Variants in TJP1 observed in about 807,000 individuals in gnomAD.
TJP1 encodes the protein tight junction protein 1.
Under a neutral mutation model 194.2 loss-of-function variants are expected in TJP1, and 43 were observed. That is an observed-to-expected ratio of 0.22 (90% CI 0.17 to 0.29). The LOEUF is 0.29. TJP1 is among the 10% of genes least tolerant of loss of function. The probability of loss-of-function intolerance (pLI) is 1.00; values close to 1 mark genes in which losing one functional copy is unlikely to be tolerated. For missense variants in TJP1, 1,971 were observed against 2,185.7 expected, an observed-to-expected ratio of 0.90 and a Z score of 1.96; for synonymous variants, 801 against 779.0, an observed-to-expected ratio of 1.03 and a Z score of -0.47.
intron 6 of TJP1, 39 bp from the exon 7 acceptor site, chr15:29,761,808 TA>T: frequency 1.4e-6 from 2 of 1,474,394 alleles, no homozygotes; most frequent in Non-Finnish European, 1.8e-6. Context: ...AAGTAAATAA[TA>T]AAATACAAAT....
intron 2 of TJP1, among the ~76,000 whole-genome samples, chr15:29,902,364 A>T (rs970993865): frequency 3.3e-5 from 5 of 152,170 alleles, no homozygotes; most frequent in Admixed American, 1.3e-4. Context: ...TAGATAGAGG[A>T]AGAAATCATT....
chr15:29,840,955 G>C (rs1224477260), intron 2 of TJP1, among the ~76,000 whole-genome samples: 5 of 152,276 alleles, frequency 3.3e-5, no homozygotes, highest in Non-Finnish European at 2.9e-5. Flanking sequence ...TAGCACTGTA[G>C]ATGTGTGGCT....
intron 8 of TJP1, among the ~76,000 whole-genome samples, chr15:29,752,255 A>C (rs1017678589): frequency 2.6e-5 from 4 of 152,114 alleles, no homozygotes; most frequent in African/African-American, 9.7e-5. Context: ...GGCACACGCC[A>C]CCACGCCTAG....
intron 2 of TJP1, among the ~76,000 whole-genome samples, chr15:29,785,470 AC>A (rs1457242617): frequency 2.6e-5 from 4 of 152,080 alleles, no homozygotes; most frequent in Admixed American, 2.6e-4. Context: ...CTGCCCACCC[AC>A]TGGTTAAAGT....
At chr15:29,883,092 C>T (rs992281281) in intron 2 of TJP1, among the ~76,000 whole-genome samples, 3 of 152,198 alleles carry the variant, frequency 2.0e-5, no homozygotes, top group Non-Finnish European at 2.9e-5. Flanking sequence ...ACAGAAGAAC[C>T]TTTAATAATC....
At chr15:29,764,326 G>T (rs1424877752) in intron 5 of TJP1, among the ~76,000 whole-genome samples, 1 of 152,224 alleles carries the variant, frequency 6.6e-6, no homozygotes, top group East Asian at 1.9e-4. Flanking sequence ...GTGAGTGACG[G>T]CTGAAAAGTT....
intron 4 of TJP1, among the ~76,000 whole-genome samples, chr15:29,770,564 A>T (rs2046599495): frequency 6.6e-6 from 1 of 151,240 alleles, no homozygotes. Flanking sequence ...AAATACAAAA[A>T]AATTAGCTCT....
intron 2 of TJP1, among the ~76,000 whole-genome samples, chr15:29,910,222 C>A (rs2053970731): frequency 6.6e-6 from 1 of 152,200 alleles, no homozygotes; most frequent in Non-Finnish European, 1.5e-5. Flanking sequence ...AGAAATGTTA[C>A]AGAAACCTGA....
chr15:29,880,667 GATATCTCAAATAAATGGAGTTATGCA>G (rs1451831868), intron 2 of TJP1, among the ~76,000 whole-genome samples: 3 of 152,134 alleles, frequency 2.0e-5, no homozygotes, highest in African/African-American at 7.2e-5. Context: ...TATATTTATA[GATATCTCAAATAAATGGAGTTATGCA>G]ATATTTGTCC....
intron 2 of TJP1, among the ~76,000 whole-genome samples, chr15:29,908,487 C>A (rs1412569629): frequency 6.6e-6 from 1 of 152,186 alleles, no homozygotes; most frequent in Non-Finnish European, 1.5e-5. Flanking sequence ...ATTGTACCTC[C>A]CTTGACACTA....
chr15:29,726,499 G>A lies in TJP1; in HGVS notation c.2312-20C>T, dbSNP rs1303927349. The A allele has an allele frequency of 3.1e-6, 5 of 1,608,422 alleles. No individual in the cohort carries two copies. In the African/African-American group the frequency reaches 6.7e-5, roughly 21 times the overall value. ...TTGTAGCTGAAAATAAATTAACGATGTAGTTTTATGGTTAGAGCACTGCCA... is the reference window on the plus strand; with the variant it reads ...TTGTAGCTGAAAATAAATTAACGATATAGTTTTATGGTTAGAGCACTGCCA... On this transcript the variant is annotated intron_variant, in intron 17 of 27. Transcript: ENST00000614355.
intron 2 of TJP1, among the ~76,000 whole-genome samples, chr15:29,791,413 C>CTTTTTTTTT (rs34201715): frequency 2.0e-5 from 1 of 51,190 alleles, no homozygotes; most frequent in Non-Finnish European, 3.4e-5. Flanking sequence ...CCATAATATT[C>CTTTTTTTTT]TTTTTTTTTT....
Position 29,822,015 on chromosome 15 carries a change from G to C in TJP1, c.14C>G (p.Ala5Gly). The C allele has an allele frequency of 1.5e-6, 2 of 1,353,928 alleles. No individual in the cohort carries two copies. The highest frequency in any genetic ancestry group is 2.0e-5 in the South Asian group (1 of 50,274). 83.9% of individuals were successfully genotyped at this position (1,353,928 alleles called of 1,614,324 possible). A position where few individuals can be genotyped will look rare whatever the true frequency, so the allele number is the denominator to read the frequency against. ...GGAGGCGCTCACCTTGGCGGCCGCAGCTCTGGCGGACATCTTGTCTCTCTC... is the reference window on the plus strand; with the variant it reads ...GGAGGCGCTCACCTTGGCGGCCGCACCTCTGGCGGACATCTTGTCTCTCTC... MSAR[A>G]AAAKSTAMEE... The change falls in exon 1 of 28, where the codon GCT becomes GGT. Residue 5 changes from alanine to glycine, a missense_variant. This residue lies in a region of TJP1 where 245 missense variants were observed against 336.6 expected (regional missense o/e 0.73). Transcript: ENST00000614355.
At chr15:29,860,592 C>A (rs957360204) in intron 2 of TJP1, among the ~76,000 whole-genome samples, 1 of 152,178 alleles carries the variant, frequency 6.6e-6, no homozygotes, top group African/African-American at 2.4e-5. Flanking sequence ...TGTGGTATCA[C>A]ATGTATTAAT....
At chr15:29,949,765 T>A (rs1231591511) in intron 2 of TJP1, among the ~76,000 whole-genome samples, 3 of 12,122 alleles carry the variant, frequency 2.5e-4, no homozygotes, top group Non-Finnish European at 4.7e-4. Flanking sequence ...TCACCACCAC[T>A]ACCTCCACCA....
chr15:29,745,413 G>A (rs2151380958), intron 8 of TJP1, among the ~76,000 whole-genome samples: 1 of 151,624 alleles, frequency 6.6e-6, no homozygotes, highest in East Asian at 1.9e-4. Context: ...ACAATCAGAT[G>A]GAAATGAAAG....
At chr15:29,846,146 A>ATC (rs969293643) in intron 2 of TJP1, among the ~76,000 whole-genome samples, 1 of 152,084 alleles carries the variant, frequency 6.6e-6, no homozygotes, top group Non-Finnish European at 1.5e-5. Flanking sequence ...CACTCAACTG[A>ATC]TCTTTAAGAG....
chr15:29,734,241 G>T, intron 12 of TJP1, 33 bp downstream of exon 12: 1 of 1,472,686 alleles, frequency 6.8e-7, no homozygotes. Flanking sequence ...AACTCTACAG[G>T]TTTATCTCCT....
At chr15:29,724,070 G>C (rs1043554714) in intron 18 of TJP1, among the ~76,000 whole-genome samples, 1 of 152,256 alleles carries the variant, frequency 6.6e-6, no homozygotes, top group African/African-American at 2.4e-5. Context: ...TAGCAGGTTT[G>C]GTGTGGCTCT....
Sources: gnomAD v4.1 joint callset for allele counts (sites outside exome capture counted in the v4.1 genomes callset) on GRCh38, gnomAD v4.1.1 for gene constraint, gnomAD v4.1.1 regional missense constraint, MANE v1.5 for transcripts, NCBI Gene and HGNC (gene_info 2026-07-23, HGNC 2026-07-21) for gene names.